The following PLG variants were observed in gnomAD, a reference collection of about 807,000 sequenced individuals.
PLG encodes the protein plasminogen.
PLG carries 41 observed loss-of-function variants against 104.4 expected under a neutral mutation model. The ratio of observed to expected loss-of-function variants is 0.39; its 90% CI spans 0.31 to 0.51. The LOEUF (loss-of-function observed/expected upper bound fraction) is 0.51, where lower values mean the gene tolerates loss of function less well. PLG is among the 20% of genes least tolerant of loss of function. The pLI, the probability that PLG is intolerant of heterozygous loss-of-function variation, is 0.76. For missense variants in PLG, 891 were observed against 1,003.6 expected (o/e 0.89, Z 1.52); for synonymous variants, 337 against 357.1 (o/e 0.94, Z 0.63).
intron 17 of PLG, among the ~76,000 whole-genome samples, chr6:160,751,864 A>G (rs527268395): frequency 6.6e-6 from 1 of 152,348 alleles, no homozygotes; most frequent in East Asian, 1.9e-4. Flanking sequence ...TTTAAAAGCA[A>G]AAAGTAAAGA....
In PLG at chr6:160,715,173, T is replaced by C. The variant is rs1777709290; in HGVS notation, c.668+259T>C. ...GAATGTCACACCCTCTGAATCTGAT[T>C]TGAATAATAACCAGATCCTCAGCTG... On this transcript the variant is annotated intron_variant, in intron 6 of 18. Coordinates refer to ENST00000308192, the MANE Select transcript of PLG (RefSeq NM_000301.5). Among the ~76,000 whole-genome samples, 3 of 152,204 alleles carry C rather than the reference T, an allele frequency of 2.0e-5. No individual in the cohort carries two copies. The South Asian group carries it at 6.2e-4, about 32-fold the overall frequency.
intron 17 of PLG, among the ~76,000 whole-genome samples, chr6:160,743,474 G>A (rs1778228596): frequency 6.6e-6 from 1 of 152,186 alleles, no homozygotes. Flanking sequence ...TGTTGTTGGT[G>A]TAAAGGGATG....
Position 160,716,871 on chromosome 6 carries a change from A to G in PLG, c.787+108A>G. ...GTGCAGCCTCTGAAAAGTGACCTAC[A>G]AGTCCTATGGGATGTTATTGGTCTT... On this transcript the variant is annotated intron_variant, in intron 7 of 18. Coordinates refer to ENST00000308192, the MANE Select transcript of PLG (RefSeq NM_000301.5). The G allele has an allele frequency of 5.1e-6, 4 of 780,720 alleles. No individual in the cohort carries two copies. In the East Asian group the frequency reaches 9.7e-5, roughly 19 times the overall value. 48.4% of individuals were successfully genotyped at this position (780,720 alleles called of 1,614,324 possible). A position where few individuals can be genotyped will look rare whatever the true frequency, so the allele number is the denominator to read the frequency against.
chr6:160,739,167 G>A lies in PLG; in HGVS notation c.1977G>A (p.Leu659=). The change falls in exon 16 of 19, where the codon TTG becomes TTA. Residue 659 remains leucine, a synonymous_variant. Coordinates refer to ENST00000308192, the MANE Select transcript of PLG (RefSeq NM_000301.5). The surrounding 1 kb of genome is among the most constrained non-coding windows in gnomAD (Gnocchi z 4.4). ...AAATAGAAGTGTCTAGGCTGTTCTT[G>A]GAGCCCACACGAAAAGATATTGCCT... The part of the protein sequence containing the change: ...VQEIEVSRLF[L]EPTRKDIALL... 5 of 1,614,140 alleles carry A rather than the reference G, an allele frequency of 3.1e-6. No individual in the cohort carries two copies. Among genetic ancestry groups the A allele is most frequent in the Non-Finnish European group, 4.2e-6 (5 of 1,180,030 alleles).
intron 7 of PLG, 106 bp from the exon 8 acceptor site, chr6:160,718,188 G>A (rs773987498): frequency 3.4e-5 from 31 of 924,802 alleles, no homozygotes; most frequent in Non-Finnish European, 4.9e-5. Flanking sequence ...GGAGGCAGAG[G>A]TTGCAGTGAG....
At position 160,734,002 on chromosome 6, in the gene PLG, G is replaced by A. The variant is rs1778047240; in HGVS notation, c.1595G>A (p.Arg532His). 2.5e-6 allele frequency: 4 copies of A among 1,601,866 alleles called. No individual in the cohort carries two copies. Among genetic ancestry groups the A allele is most frequent in the South Asian group, 1.1e-5 (1 of 90,846 alleles). Residue 532 changes from arginine to histidine, a missense_variant, in exon 13 of 19, where the codon CGT (arginine) becomes CAT (histidine). Transcript: ENST00000308192. This position sits in a 1 kb window ranked among gnomAD's most constrained non-coding sequence, Gnocchi z 4.4. ...PRAGLEKNYCRNPDGDVGGPW... is the reference protein window; with the variant it reads ...PRAGLEKNYCHNPDGDVGGPW... Reference sequence around the variant, plus strand: ...ATGCCTTCTTGTTTTCAGTACTGCCGTAACCCTGATGGTGATGTAGGTGGT... The same window carrying A: ...ATGCCTTCTTGTTTTCAGTACTGCCATAACCCTGATGGTGATGTAGGTGGT...
Position 160,749,894 on chromosome 6 carries a change from TCCACCACTG to T in PLG, c.2126-2213_2126-2205del, listed in dbSNP as rs1286714296. ...TCACAACCCTCATCATCACCACCAT[TCCACCACTG>T]CCACCACCACCACCACCATCACTAT... On this transcript the variant is annotated intron_variant, in intron 17 of 18. Transcript: ENST00000308192. 6.2e-3 allele frequency among the ~76,000 whole-genome samples: 295 copies of T among 47,866 alleles called. 1 individual carries two copies. The highest frequency in any genetic ancestry group is 0.021 in the African/African-American group (272 of 12,876). The allele number at this position is 47,866 out of a possible 152,430, so 31.4% of individuals were successfully genotyped here. A position where few individuals can be genotyped will look rare whatever the true frequency, so the allele number is the denominator to read the frequency against.
chr6:160,712,629 T>C (rs1777664927), intron 4 of PLG, among the ~76,000 whole-genome samples: 1 of 152,130 alleles, frequency 6.6e-6, no homozygotes, highest in African/African-American at 2.4e-5. Flanking sequence ...GACAAAATGG[T>C]ATTAACTACA....
Position 160,725,078 on chromosome 6 carries a change from G to GCATTT in PLG, c.1256+2511_1256+2512insCATTT, listed in dbSNP as rs1285441898. On this transcript the variant is annotated intron_variant, in intron 10 of 18. Transcript: ENST00000308192. This position sits in a 1 kb window ranked among gnomAD's most constrained non-coding sequence, Gnocchi z 6.3. ...AAAAATACAAAAATTAGCTGGGCAT[G>GCATTT]GTGGCACGTGCCTGTAATCCCAGCA... Among the ~76,000 whole-genome samples the GCATTT allele has an allele frequency of 1.1e-4, 16 of 152,222 alleles. No homozygotes were observed. Among genetic ancestry groups the GCATTT allele is most frequent in the African/African-American group, 3.9e-4 (16 of 41,548 alleles).
At chr6:160,727,680 A>G (rs1268085428) in intron 10 of PLG, among the ~76,000 whole-genome samples, 1 of 152,052 alleles carries the variant, frequency 6.6e-6, no homozygotes, top group African/African-American at 2.4e-5. Flanking sequence ...GTGATAAATC[A>G]TATGATTATG....
In PLG at chr6:160,709,784, C is replaced by T. The variant is rs374487285; in HGVS notation, c.293-1293C>T. 1.8e-3 allele frequency among the ~76,000 whole-genome samples: 270 copies of T among 152,278 alleles called. 2 individuals carry two copies. The highest frequency in any genetic ancestry group is 6.0e-3 in the African/African-American group (250 of 41,538). ...TGAAGATGTACTTGCAATCATAATACGCAGTATTGGGTTAAAAGCATTAGT... is the reference window on the plus strand; with the variant it reads ...TGAAGATGTACTTGCAATCATAATATGCAGTATTGGGTTAAAAGCATTAGT... On this transcript the variant is annotated intron_variant, in intron 3 of 18. Coordinates refer to ENST00000308192, the MANE Select transcript of PLG (RefSeq NM_000301.5).
At chr6:160,748,076 G>A (rs1276704988) in intron 17 of PLG, among the ~76,000 whole-genome samples, 9 of 152,100 alleles carry the variant, frequency 5.9e-5, no homozygotes, top group Admixed American at 3.9e-4. Flanking sequence ...GGAGGCCGAG[G>A]CAGGCAGACC....
rs934182753 is a variant in PLG at position 160,705,325 on chromosome 6, G to T, written c.50-1082G>T. On this transcript the variant is annotated intron_variant, in intron 1 of 18. Transcript: ENST00000308192. ...GCCTTGTGGTGGGAGCACAGCTGAG[G>T]CCCCCTTGGCCACCCTCTGCCACGA... is the stretch of plus-strand genomic sequence containing the variant. The T allele has an allele frequency of 4.7e-5, 7 of 149,924 alleles. No individual in the cohort carries two copies. The East Asian group carries it at 1.4e-3, about 29-fold the overall frequency. 9.3% of individuals were successfully genotyped at this position (149,924 alleles called of 1,614,324 possible).
intron 3 of PLG, 152 bp from the exon 4 acceptor site, chr6:160,710,925 G>T (rs1777627792): frequency 4.2e-6 from 3 of 715,472 alleles, no homozygotes; most frequent in Admixed American, 2.1e-5. Flanking sequence ...TCAGTTTACT[G>T]CAGCCTTTTT....
At chr6:160,705,994 T>C (rs540470246) in intron 1 of PLG, 1 of 220,566 alleles carries the variant, frequency 4.5e-6, no homozygotes, top group South Asian at 7.3e-5. Context: ...AATCTGCTAA[T>C]GAAACTGTTT....
intron 17 of PLG, among the ~76,000 whole-genome samples, chr6:160,742,300 G>A (rs1224876394): frequency 6.6e-6 from 1 of 152,144 alleles, no homozygotes; most frequent in African/African-American, 2.4e-5. Context: ...TCTTTTCTCT[G>A]CAACCTTGCC....
At position 160,726,176 on chromosome 6, in the gene PLG, C is replaced by T. The variant is rs1224321292; in HGVS notation, c.1256+3609C>T. The stretch of plus-strand genomic sequence containing the variant: ...CAAGTATGCATGGAGCATTCCCCAA[C>T]ATATACCATATGTGTGGGCCTACAG... On this transcript the variant is annotated intron_variant, in intron 10 of 18. Coordinates refer to ENST00000308192, the MANE Select transcript of PLG (RefSeq NM_000301.5). The surrounding 1 kb of genome is among the most constrained non-coding windows in gnomAD (Gnocchi z 4.4). Among the ~76,000 whole-genome samples the T allele has an allele frequency of 1.3e-5, 2 of 152,098 alleles. No homozygotes were observed. Among genetic ancestry groups the T allele is most frequent in the African/African-American group, 4.8e-5 (2 of 41,418 alleles).
intron 9 of PLG, among the ~76,000 whole-genome samples, chr6:160,722,079 A>G (rs1436774873): frequency 6.6e-6 from 1 of 152,170 alleles, no homozygotes. Context: ...CACAGCCTGC[A>G]CTGCCGAATG....
At chr6:160,716,230 A>G (rs762660673) in intron 6 of PLG, among the ~76,000 whole-genome samples, 1 of 152,156 alleles carries the variant, frequency 6.6e-6, no homozygotes, top group Non-Finnish European at 1.5e-5. Context: ...GCTTACATCA[A>G]TTTTCCAGAT....
Sources: gnomAD v4.1 joint callset for allele counts (sites outside exome capture counted in the v4.1 genomes callset) on GRCh38, gnomAD v4.1.1 for gene constraint, Gnocchi (gnomAD v3.1) non-coding constraint, MANE v1.5 for transcripts, NCBI Gene and HGNC (gene_info 2026-07-23, HGNC 2026-07-21) for gene names.